ASCC2: variants seen among roughly 807,000 people sequenced by gnomAD.
ASCC2 encodes activating signal cointegrator 1 complex subunit 2.
Under a neutral mutation model 93.5 loss-of-function variants are expected in ASCC2, and 42 were observed. The observed-to-expected ratio is 0.45, with a 90% CI of 0.35 to 0.58. ASCC2 has a LOEUF of 0.58. ASCC2 is among the 20% of genes least tolerant of loss of function. ASCC2 has a pLI of 0.00. For synonymous variants in ASCC2, 364 were observed against 384.2 expected, an observed-to-expected ratio of 0.95 and a Z score of 0.62; for missense variants, 859 against 977.6, an observed-to-expected ratio of 0.88 and a Z score of 1.62.
Position 29,804,744 on chromosome 22 carries a change from T to A in ASCC2, c.1247A>T (p.Asp416Val), listed in dbSNP as rs1422700782. 6.2e-7 allele frequency: 1 copy of A among 1,613,894 alleles called. No homozygotes were observed. The highest frequency in any genetic ancestry group is 8.5e-7 in the Non-Finnish European group (1 of 1,179,976). The change falls in exon 13 of 20, where the codon GAC becomes GTC. Residue 416 changes from aspartate (D) to valine (V), a missense_variant. Coordinates refer to ENST00000307790, the MANE Select transcript of ASCC2 (RefSeq NM_032204.5). ...VDRRKATDAKDPSVIEEPNGE... is the reference protein window; with the variant it reads ...VDRRKATDAKVPSVIEEPNGE... ...ATTAGGCTCCTCAATCACCGATGGG[T>A]CTTTAGCATCTGTGGCTTTCCGTCT...
At chr22:29,827,792 AAC>A (rs2062580906) in intron 2 of ASCC2, among the ~76,000 whole-genome samples, 2 of 78,032 alleles carry the variant, frequency 2.6e-5, no homozygotes, top group Non-Finnish European at 4.9e-5. Flanking sequence ...ACACACACAC[AAC>A]CAGGCTACTC....
chr22:29,808,545 GCA>G (rs1210806121), intron 8 of ASCC2, among the ~76,000 whole-genome samples: 1 of 152,174 alleles, frequency 6.6e-6, no homozygotes, highest in African/African-American at 2.4e-5. Context: ...AGTTAGCCAG[GCA>G]CAGTGGCTCA....
intron 5 of ASCC2, among the ~76,000 whole-genome samples, chr22:29,821,471 C>A (rs938971929): frequency 2.0e-5 from 3 of 152,246 alleles, no homozygotes; most frequent in African/African-American, 7.2e-5. Flanking sequence ...AAGTCCCCTA[C>A]ATTTTAACCT....
At chr22:29,793,257 T>G in intron 17 of ASCC2, 103 bp downstream of exon 17, 2 of 1,512,316 alleles carry the variant, frequency 1.3e-6, no homozygotes, top group African/African-American at 1.4e-5. Flanking sequence ...AGGACTGGGT[T>G]TGGGCCCTGG....
rs892648276 is a variant in ASCC2 at position 29,834,462 on chromosome 22, A to G, written c.-17-2120T>C. 5 of 470,418 alleles carry G rather than the reference A, an allele frequency of 1.1e-5. No individual in the cohort carries two copies. In the Admixed American group the frequency reaches 1.2e-4, roughly 11 times the overall value. 29.1% of individuals were successfully genotyped at this position (470,418 alleles called of 1,614,324 possible). A position where few individuals can be genotyped will look rare whatever the true frequency, so the allele number is the denominator to read the frequency against. On this transcript the variant is annotated intron_variant, in intron 1 of 19. Transcript: ENST00000307790. ...CCCACCCTAGAAGGAGTAATAAGAG[A>G]GGACCAGTCTGCCTAGTCCTTGACA...
At chr22:29,829,700 GA>G (rs547260199) in intron 2 of ASCC2, among the ~76,000 whole-genome samples, 15,218 of 145,040 alleles carry the variant, frequency 0.1, 956 homozygotes, top group African/African-American at 0.18. Flanking sequence ...CTCTGTCTGG[GA>G]AAAAAAAAAA....
intron 2 of ASCC2, among the ~76,000 whole-genome samples, chr22:29,828,322 G>A (rs1355116995): frequency 6.6e-6 from 1 of 152,166 alleles, no homozygotes; most frequent in Admixed American, 6.5e-5. Context: ...ACTCATTGTG[G>A]ACCTGCCCTG....
intron 1 of ASCC2, among the ~76,000 whole-genome samples, chr22:29,832,925 G>A (rs2063339075): frequency 6.6e-6 from 1 of 152,044 alleles, no homozygotes; most frequent in Non-Finnish European, 1.5e-5. Context: ...ATTTTTTGTA[G>A]AGACAGGTTT....
In ASCC2 at chr22:29,832,309, A is replaced by G; in HGVS notation, c.17T>C (p.Leu6Pro). MPALPLDQLQITHKDP... is the reference protein window; with the variant it reads MPALPPDQLQITHKDP... ...CTTGTGGGTGATCTGGAGTTGGTCC[A>G]GGGGCAGAGCTGGCATTGTGCTGCG... The change falls in exon 2 of 20, where the codon CTG (leucine) becomes CCG (proline). Residue 6 changes from leucine to proline, a missense_variant. Transcript: ENST00000307790. 1 of 1,613,950 alleles carries G rather than the reference A, an allele frequency of 6.2e-7. No individual in the cohort carries two copies. Among genetic ancestry groups the G allele is most frequent in the Non-Finnish European group, 8.5e-7 (1 of 1,179,880 alleles).
At chr22:29,833,739 G>C (rs545643664) in intron 1 of ASCC2, 5 of 399,302 alleles carry the variant, frequency 1.3e-5, no homozygotes, top group South Asian at 7.3e-5. Context: ...GACAGAGGCT[G>C]GGGTGATTAA....
chr22:29,800,844 T>C, intron 15 of ASCC2, 147 bp downstream of exon 15: 3 of 942,736 alleles, frequency 3.2e-6, no homozygotes, highest in Non-Finnish European at 4.4e-6. Flanking sequence ...TCCTAACCAC[T>C]GGGGGTGCAC....
At chr22:29,823,614 G>A (rs969311358) in intron 4 of ASCC2, among the ~76,000 whole-genome samples, 5 of 152,150 alleles carry the variant, frequency 3.3e-5, no homozygotes, top group Non-Finnish European at 5.9e-5. Context: ...TTGGGAGGCC[G>A]AGGCAGACGG....
At position 29,822,476 on chromosome 22, in the gene ASCC2, T is replaced by G; in HGVS notation, c.412-12A>C. 6.2e-7 allele frequency: 1 copy of G among 1,613,106 alleles called. No individual in the cohort carries two copies. The highest frequency in any genetic ancestry group is 8.5e-7 in the Non-Finnish European group (1 of 1,179,614). On this transcript the variant is annotated splice_polypyrimidine_tract_variant and intron_variant, in intron 4 of 19. Coordinates refer to ENST00000307790, the MANE Select transcript of ASCC2 (RefSeq NM_032204.5). ...GAAATGAAGTGATCCTAAGGAAAAA[T>G]GCAGAGAGAAAGGATAGAGATTTTC...
At chr22:29,808,465 C>T (rs990771961) in intron 8 of ASCC2, among the ~76,000 whole-genome samples, 2 of 152,164 alleles carry the variant, frequency 1.3e-5, no homozygotes, top group Non-Finnish European at 1.5e-5. Flanking sequence ...GAAGGCCACT[C>T]GGAACCCACT....
chr22:29,797,651 T>C (rs1372963114), intron 15 of ASCC2, among the ~76,000 whole-genome samples: 2 of 152,262 alleles, frequency 1.3e-5, no homozygotes, highest in Admixed American at 6.5e-5. Context: ...CAGCACTTTC[T>C]GGGCTCAACA....
chr22:29,796,915 A>G (rs2058512902), intron 15 of ASCC2, among the ~76,000 whole-genome samples: 1 of 152,142 alleles, frequency 6.6e-6, no homozygotes, highest in Non-Finnish European at 1.5e-5. Flanking sequence ...GCAGTGGGGC[A>G]GTTCTTTCAT....
rs148839000 is a variant in ASCC2 at position 29,832,238 on chromosome 22, G to A, written c.81+7C>T. The A allele has an allele frequency of 5.3e-4, 859 of 1,608,516 alleles. 3 individuals are homozygous for A. The African/African-American group carries it at 9.4e-3, about 18-fold the overall frequency. On this transcript the variant is annotated splice_region_variant and intron_variant, in intron 2 of 19. Transcript: ENST00000307790. ...TCAGGCTGAATGGCCTTAAGTGACCGGCTCACCAGCGCTGGTGAAGTCCTC... is the reference window on the plus strand; with the variant it reads ...TCAGGCTGAATGGCCTTAAGTGACCAGCTCACCAGCGCTGGTGAAGTCCTC...
At chr22:29,806,100 T>C (rs2059641077) in intron 12 of ASCC2, 116 bp downstream of exon 12, 1 of 1,150,056 alleles carries the variant, frequency 8.7e-7, no homozygotes. Context: ...GACAGCTGGC[T>C]GACCCATGCG....
In ASCC2 at chr22:29,788,965, C is replaced by G. The variant is rs773046865; in HGVS notation, c.*48G>C. 4 of 1,611,696 alleles carry G rather than the reference C, an allele frequency of 2.5e-6. No individual in the cohort carries two copies. Among genetic ancestry groups the G allele is most frequent in the Non-Finnish European group, 8.5e-7 (1 of 1,178,144 alleles). ...GAGGCCCCAGGCGATGGGAGCACGG[C>G]CTGGTGAGTCTGGTGCCGCTGCCTC... On this transcript the variant is annotated 3_prime_UTR_variant, in exon 20 of 20. Coordinates refer to ENST00000307790, the MANE Select transcript of ASCC2 (RefSeq NM_032204.5).
Sources: allele counts gnomAD v4.1 joint callset (sites outside exome capture counted in the v4.1 genomes callset), GRCh38; gene constraint gnomAD v4.1.1; transcripts MANE v1.5; gene names NCBI Gene and HGNC (gene_info 2026-07-23, HGNC 2026-07-21).